Variants in LRRC37A2 observed in about 807,000 individuals in gnomAD.
LRRC37A2 encodes leucine rich repeat containing 37 member A2, also known as leucine-rich repeat-containing protein 37A2.
In LRRC37A2, 9 loss-of-function variants were observed where a neutral mutation model predicts 68.8. That is an observed-to-expected ratio of 0.13 (90% CI 0.08 to 0.23). LRRC37A2 has a LOEUF of 0.23. LRRC37A2 is among the 10% of genes least tolerant of loss of function. The pLI is 1.00. For synonymous variants in LRRC37A2, 63 were observed against 367.6 expected, an observed-to-expected ratio of 0.17 and a Z score of 9.48; for missense variants, 168 against 950.4, an observed-to-expected ratio of 0.18 and a Z score of 10.82.
chr17:46,793,269 GTC>G, the LRRC37A2 span, among the ~76,000 whole-genome samples: 1 of 40,914 alleles, frequency 2.4e-5, no homozygotes, highest in Non-Finnish European at 5.0e-5. Flanking sequence ...GTGAGACCCT[GTC>G]TAAAAAAAAA....
chr17:46,726,162 C>T, the LRRC37A2 span, among the ~76,000 whole-genome samples: 1 of 152,168 alleles, frequency 6.6e-6, no homozygotes, highest in African/African-American at 2.4e-5. Flanking sequence ...AGCCACAATT[C>T]TTATAGATAA....
the LRRC37A2 span, among the ~76,000 whole-genome samples, chr17:46,375,045 TC>T: frequency 2.1e-5 from 2 of 95,910 alleles, no homozygotes; most frequent in African/African-American, 7.7e-5. Flanking sequence ...CTCTGCCCTA[TC>T]CCCCGGTAAA....
chr17:46,788,864 A>C, the LRRC37A2 span, among the ~76,000 whole-genome samples: 1 of 152,176 alleles, frequency 6.6e-6, no homozygotes, highest in East Asian at 1.9e-4. Flanking sequence ...AGCTGAGGGC[A>C]GGTGATGGCC....
the LRRC37A2 span, among the ~76,000 whole-genome samples, chr17:46,900,202 T>TACATACATATGTATACACACACACACAC: frequency 9.9e-6 from 1 of 101,172 alleles, no homozygotes; most frequent in Admixed American, 1.1e-4. Context: ...TATATATATA[T>TACATACATATGTATACACACACACACAC]ACACACACAC....
chr17:46,595,346 A>T, the LRRC37A2 span, among the ~76,000 whole-genome samples: 1 of 67,006 alleles, frequency 1.5e-5, no homozygotes, highest in South Asian at 7.1e-4. Flanking sequence ...CAATACTTTT[A>T]TTTGTGCATA....
the LRRC37A2 span, among the ~76,000 whole-genome samples, chr17:46,473,852 C>T: frequency 2.1e-5 from 2 of 96,730 alleles, no homozygotes; most frequent in African/African-American, 7.6e-5. Flanking sequence ...GCTAAGATTG[C>T]GTCATTGCAC....
chr17:46,950,438 G>GCCAAAAGC, the LRRC37A2 span, among the ~76,000 whole-genome samples: 68 of 152,334 alleles, frequency 4.5e-4, no homozygotes, highest in Non-Finnish European at 2.1e-4. Context: ...TATGATCAGT[G>GCCAAAAGC]CCAGAGCCAA....
At chr17:46,911,852 T>C in the LRRC37A2 span, among the ~76,000 whole-genome samples, 1 of 152,146 alleles carries the variant, frequency 6.6e-6, no homozygotes, top group African/African-American at 2.4e-5. Flanking sequence ...CACTGCACTC[T>C]AGCCTGGGTG....
At chr17:46,783,819 C>T in the LRRC37A2 span, among the ~76,000 whole-genome samples, 1 of 152,192 alleles carries the variant, frequency 6.6e-6, no homozygotes, top group Non-Finnish European at 1.5e-5. Context: ...CTAGGAGCCA[C>T]ACAGAGAAGC....
chr17:46,500,285 C>CTT, the LRRC37A2 span, among the ~76,000 whole-genome samples: 2 of 119,372 alleles, frequency 1.7e-5, no homozygotes, highest in African/African-American at 3.4e-5. Context: ...CCTGAGGCAT[C>CTT]TTTTTGCTTC....
the LRRC37A2 span, among the ~76,000 whole-genome samples, chr17:47,048,668 G>A: frequency 2.0e-5 from 1 of 50,176 alleles, no homozygotes; most frequent in Admixed American, 2.6e-4. Flanking sequence ...TGCCAGATGA[G>A]GATCTATCAG....
chr17:46,838,866 T>C, the LRRC37A2 span, among the ~76,000 whole-genome samples: 1 of 152,074 alleles, frequency 6.6e-6, no homozygotes, highest in Non-Finnish European at 1.5e-5. Context: ...GGGCTTGTTT[T>C]CTTTTCTAAA....
chr17:46,543,273 CAT>C (rs2055724299), intron 8 of LRRC37A2, among the ~76,000 whole-genome samples: 1 of 150,416 alleles, frequency 6.6e-6, no homozygotes, highest in Non-Finnish European at 1.5e-5. Flanking sequence ...AGTCTTGGCT[CAT>C]GTGTAATGAT....
At chr17:46,786,745 T>C in the LRRC37A2 span, among the ~76,000 whole-genome samples, 1 of 152,162 alleles carries the variant, frequency 6.6e-6, no homozygotes, top group Non-Finnish European at 1.5e-5. Context: ...AGAGGCCTAC[T>C]TGGGGTCACA....
the LRRC37A2 span, among the ~76,000 whole-genome samples, chr17:47,032,477 T>G: frequency 6.6e-6 from 1 of 152,240 alleles, no homozygotes; most frequent in Non-Finnish European, 1.5e-5. Context: ...AGCTCTTAGT[T>G]CTCCTGTAAT....
At chr17:46,927,433 T>G in the LRRC37A2 span, among the ~76,000 whole-genome samples, 1 of 152,192 alleles carries the variant, frequency 6.6e-6, no homozygotes, top group Admixed American at 6.5e-5. Flanking sequence ...GTGGGTAGTT[T>G]TTGGATTTTG....
the LRRC37A2 span, chr17:46,755,568 TC>T: frequency 1.5e-6 from 1 of 686,492 alleles, no homozygotes. Flanking sequence ...TCGCAAAACT[TC>T]CTTGTCACAA....
At chr17:47,031,047 A>T in the LRRC37A2 span, among the ~76,000 whole-genome samples, 1 of 151,692 alleles carries the variant, frequency 6.6e-6, no homozygotes, top group Non-Finnish European at 1.5e-5. Context: ...CTCAGGCCCC[A>T]CAAAATCCTG....
At chr17:47,040,296 TGTCTA>T in the LRRC37A2 span, among the ~76,000 whole-genome samples, 1 of 150,540 alleles carries the variant, frequency 6.6e-6, no homozygotes, top group Admixed American at 6.6e-5. Flanking sequence ...AAAAAATCTT[TGTCTA>T]GTAAGTCTAA....
Sources: gnomAD v4.1 joint callset for allele counts (sites outside exome capture counted in the v4.1 genomes callset) on GRCh38, gnomAD v4.1.1 for gene constraint, MANE v1.5 for transcripts, NCBI Gene and HGNC (gene_info 2026-07-23, HGNC 2026-07-21) for gene names.